Variants in ZC3HC1 observed in about 807,000 individuals in gnomAD.
ZC3HC1 encodes zinc finger C3HC-type protein 1.
In ZC3HC1, 38 loss-of-function variants were observed where a neutral mutation model predicts 61.9. That is an observed-to-expected ratio of 0.61 (90% confidence interval 0.47 to 0.81). The LOEUF is 0.81. ZC3HC1 is among the 30% of genes least tolerant of loss of function. ZC3HC1 has a pLI of 0.00. For synonymous variants in ZC3HC1, 213 were observed against 229.9 expected (o/e 0.93, Z 0.67); for missense variants, 554 against 622.7 (o/e 0.89, Z 1.17).
chr7:130,044,848 TA>T (rs1325147681), intron 2 of ZC3HC1, among the ~76,000 whole-genome samples: 1 of 152,200 alleles, frequency 6.6e-6, no homozygotes. Context: ...CACTCCTGCA[TA>T]ACCTGAATCT....
chr7:130,021,013 T>C (rs1463065023), intron 9 of ZC3HC1, among the ~76,000 whole-genome samples: 1 of 152,074 alleles, frequency 6.6e-6, no homozygotes, highest in Non-Finnish European at 1.5e-5. Flanking sequence ...TTCTCCAGCC[T>C]CAGCCTCCCC....
chr7:130,041,187 C>A, intron 2 of ZC3HC1, 86 bp from the exon 3 acceptor site: 1 of 1,390,124 alleles, frequency 7.2e-7, no homozygotes, highest in Non-Finnish European at 9.6e-7. Flanking sequence ...TATACACATA[C>A]TGTTTTTTTT....
intron 1 of ZC3HC1, among the ~76,000 whole-genome samples, chr7:130,050,195 A>C (rs1042440520): frequency 6.6e-6 from 1 of 151,784 alleles, no homozygotes; most frequent in Non-Finnish European, 1.5e-5. Context: ...CTCCTGCCTC[A>C]GCCTCCCGAG....
intron 4 of ZC3HC1, 150 bp from the exon 5 acceptor site, chr7:130,029,179 T>C (rs1794068145): frequency 1.4e-6 from 1 of 735,222 alleles, no homozygotes; most frequent in African/African-American, 1.8e-5. Flanking sequence ...AAGACCAACC[T>C]AGCCAACCTA....
intron 4 of ZC3HC1, among the ~76,000 whole-genome samples, chr7:130,035,059 G>C (rs1217005165): frequency 6.6e-6 from 1 of 151,440 alleles, no homozygotes; most frequent in Non-Finnish European, 1.5e-5. Flanking sequence ...ACCATCCTTT[G>C]GCCTTTTGCT....
rs189028089 is a variant in ZC3HC1, at chr7:130,023,773, T to C, written c.1021-50A>G. 61 of 1,404,244 alleles carry C rather than the reference T, an allele frequency of 4.3e-5. No individual in the cohort carries two copies. The East Asian group carries it at 1.3e-3, about 30-fold the overall frequency. 87.0% of individuals were successfully genotyped at this position (1,404,244 alleles called of 1,614,324 possible). Reference sequence around the variant, plus strand: ...AGTACACGAATGATATTAATGATTATGGTCAGAAATACTTCTTTCTTTAAT... The same window carrying C: ...AGTACACGAATGATATTAATGATTACGGTCAGAAATACTTCTTTCTTTAAT... On this transcript the variant is annotated intron_variant, in intron 7 of 9. Coordinates refer to ENST00000358303, the MANE Select transcript of ZC3HC1 (RefSeq NM_016478.5). This position sits in a 1 kb window ranked among gnomAD's most constrained non-coding sequence, Gnocchi z 4.2.
At chr7:130,029,173 C>T in intron 4 of ZC3HC1, 144 bp from the exon 5 acceptor site, 2 of 720,784 alleles carry the variant, frequency 2.8e-6, no homozygotes, top group Non-Finnish European at 4.0e-6. Context: ...GAGTTCAAGA[C>T]CAACCTAGCC....
At position 130,018,449 on chromosome 7, in the gene ZC3HC1, C is replaced by A. The variant is rs548481493; in HGVS notation, c.*215G>T. On this transcript the variant is annotated 3_prime_UTR_variant, in exon 10 of 10. Coordinates refer to ENST00000358303, the MANE Select transcript of ZC3HC1 (RefSeq NM_016478.5). ...CACTCCTTTAACAGAACCATGCTTG[C>A]TGCCCTTACCCTGTCCACATCCCTG... The A allele has an allele frequency of 5.2e-5, 26 of 502,684 alleles. No individual in the cohort carries two copies. The East Asian group carries it at 6.0e-4, about 12-fold the overall frequency. The allele number at this position is 502,684 out of a possible 1,614,324, so 31.1% of individuals were successfully genotyped here. A position where few individuals can be genotyped will look rare whatever the true frequency, so the allele number is the denominator to read the frequency against.
intron 9 of ZC3HC1, among the ~76,000 whole-genome samples, chr7:130,021,367 C>A (rs1793636430): frequency 6.6e-6 from 1 of 152,184 alleles, no homozygotes; most frequent in Non-Finnish European, 1.5e-5. Context: ...TTGTTACCAG[C>A]TACAAGGAAA....
chr7:130,025,449 T>TA (rs1199532501), intron 6 of ZC3HC1, among the ~76,000 whole-genome samples: 1 of 151,726 alleles, frequency 6.6e-6, no homozygotes, highest in East Asian at 2.0e-4. Flanking sequence ...TGGTAGTTTT[T>TA]ATCAATTAAG....
intron 4 of ZC3HC1, among the ~76,000 whole-genome samples, chr7:130,033,496 A>G (rs1263555585): frequency 7.9e-6 from 1 of 125,974 alleles, no homozygotes; most frequent in African/African-American, 3.3e-5. Context: ...TCTGTCGCCC[A>G]GGCTGGAGTG....
intron 8 of ZC3HC1, 94 bp from the exon 9 acceptor site, chr7:130,022,619 A>G: frequency 1.6e-6 from 2 of 1,274,998 alleles, no homozygotes; most frequent in African/African-American, 1.5e-5. Flanking sequence ...GAATCTCACA[A>G]CTACCCATAC....
intron 2 of ZC3HC1, among the ~76,000 whole-genome samples, chr7:130,048,078 C>T (rs1794934696): frequency 6.7e-6 from 1 of 149,530 alleles, no homozygotes; most frequent in African/African-American, 2.5e-5. Flanking sequence ...CCAACAGACA[C>T]AAGTAAATGA....
intron 2 of ZC3HC1, 51 bp from the exon 3 acceptor site, chr7:130,041,152 G>GTT: frequency 1.7e-6 from 2 of 1,186,088 alleles, no homozygotes; most frequent in Non-Finnish European, 2.3e-6. Context: ...ATATGTGTGT[G>GTT]TATGTGTGTG....
rs1297604366 is a variant in ZC3HC1, at chr7:130,024,485, C to T, written c.798G>A (p.Gln266=). The change falls in exon 7 of 10, where the codon CAG becomes CAA. Residue 266 remains glutamine, a synonymous_variant. Coordinates refer to ENST00000358303, the MANE Select transcript of ZC3HC1 (RefSeq NM_016478.5). ...WACSSSLESM[Q]LSLITCSQCM... is the part of the protein sequence containing the mutation. Reference sequence around the variant, plus strand: ...ATTGCGAACATGTTATCAGGGAGAGCTGCATGGATTCCAAAGAGGAACTAG... The same window carrying T: ...ATTGCGAACATGTTATCAGGGAGAGTTGCATGGATTCCAAAGAGGAACTAG... The T allele has an allele frequency of 3.1e-6, 5 of 1,609,812 alleles. No individual in the cohort carries two copies. Among genetic ancestry groups the T allele is most frequent in the South Asian group, 1.1e-5 (1 of 90,310 alleles).
intron 6 of ZC3HC1, among the ~76,000 whole-genome samples, chr7:130,025,409 G>C (rs1284157115): frequency 6.1e-4 from 92 of 151,452 alleles, no homozygotes; most frequent in Non-Finnish European, 5.9e-5. Context: ...GCAACATGGG[G>C]GCCTAGAAGA....
intron 8 of ZC3HC1, among the ~76,000 whole-genome samples, chr7:130,022,787 G>T (rs1793706184): frequency 6.6e-6 from 1 of 152,118 alleles, no homozygotes; most frequent in African/African-American, 2.4e-5. Context: ...TCGCACAGTA[G>T]GAGGTGAACA....
At chr7:130,039,260 C>A (rs1293909100) in intron 4 of ZC3HC1, 1 of 552,062 alleles carries the variant, frequency 1.8e-6, no homozygotes, top group East Asian at 3.0e-5. Flanking sequence ...AGGAGAATTG[C>A]TTGAACGCGG....
chr7:130,034,567 T>C (rs1235011089), intron 4 of ZC3HC1, among the ~76,000 whole-genome samples: 1 of 148,922 alleles, frequency 6.7e-6, no homozygotes, highest in Admixed American at 6.7e-5. Flanking sequence ...TGATTATAGC[T>C]CACTATAACT....
Sources: gnomAD v4.1 joint callset for allele counts (sites outside exome capture counted in the v4.1 genomes callset) on GRCh38, gnomAD v4.1.1 for gene constraint, Gnocchi (gnomAD v3.1) non-coding constraint, MANE v1.5 for transcripts, NCBI Gene and HGNC (gene_info 2026-07-23, HGNC 2026-07-21) for gene names.